CTTNBP2: variants seen among roughly 807,000 people sequenced by gnomAD.
CTTNBP2 encodes cortactin binding protein 2, also known as cortactin-binding protein 2.
Under a neutral mutation model 156.9 loss-of-function variants are expected in CTTNBP2, and 108 were observed. The ratio of observed to expected loss-of-function variants is 0.69; its 90% CI spans 0.59 to 0.81. CTTNBP2 has a LOEUF of 0.81. Ranked by LOEUF, CTTNBP2 falls within the 30% of genes least tolerant of loss-of-function variation. CTTNBP2 has a pLI of 0.00. For synonymous variants in CTTNBP2, 767 were observed against 751.8 expected, an observed-to-expected ratio of 1.02 and a Z score of -0.33; for missense variants, 1,924 against 2,035.4, an observed-to-expected ratio of 0.95 and a Z score of 1.05.
chr7:117,715,643 C>T (rs1365090570), intron 22 of CTTNBP2: 1 of 152,028 alleles, frequency 6.6e-6, no homozygotes, highest in Non-Finnish European at 1.5e-5. Flanking sequence ...TTCAGAAGGC[C>T]TGCTAAATGC....
rs747361472 is a variant in CTTNBP2, at chr7:117,757,960, C to T, written c.3183G>A (p.Pro1061=). The T allele has an allele frequency of 3.8e-5, 62 of 1,611,710 alleles. No individual in the cohort carries two copies. Among genetic ancestry groups the T allele is most frequent in the Non-Finnish European group, 5.1e-5 (60 of 1,179,074 alleles). The change falls in exon 11 of 23, where the codon CCG becomes CCA. Residue 1061 remains proline (P), a synonymous_variant. Coordinates refer to ENST00000160373, the MANE Select transcript of CTTNBP2 (RefSeq NM_033427.3). ...SIRSITLGNV[P]WSVGQSFAQS... ...GCGCGAAGCTCTGACCCACTGACCA[C>T]GGCACATTTCCTAGTTTCAAAAAAT...
chr7:117,866,802 G>C (rs1229253828), intron 1 of CTTNBP2, among the ~76,000 whole-genome samples: 9 of 152,156 alleles, frequency 5.9e-5, no homozygotes, highest in Admixed American at 5.9e-4. Context: ...GAGCCTAAAA[G>C]CGTTTGTGAG....
chr7:117,767,022 G>T, intron 9 of CTTNBP2, 37 bp downstream of exon 9: 1 of 1,135,978 alleles, frequency 8.8e-7, no homozygotes, highest in Non-Finnish European at 1.3e-6. Context: ...CAGCAGCATA[G>T]GGGAAAGATA....
At chr7:117,836,371 T>C (rs1801934947) in intron 2 of CTTNBP2, among the ~76,000 whole-genome samples, 1 of 152,176 alleles carries the variant, frequency 6.6e-6, no homozygotes, top group Admixed American at 6.5e-5. Flanking sequence ...CAGAGCATCC[T>C]GGCTAACACG....
Position 117,791,549 on chromosome 7 carries a change from C to T in CTTNBP2, c.1647G>A (p.Lys549=), listed in dbSNP as rs776476070. 2.5e-6 allele frequency: 4 copies of T among 1,614,038 alleles called. No homozygotes were observed. Among genetic ancestry groups the T allele is most frequent in the Non-Finnish European group, 3.4e-6 (4 of 1,179,976 alleles). The part of the protein sequence containing the change: ...RGNPPPIPPK[K]PGLSQTPSPP... The stretch of plus-strand genomic sequence containing the variant: ...GAGAAGGAGTTTGGGAGAGCCCTGG[C>T]TTTTTTGGAGGGATAGGAGGAGGAT... Residue 549 remains lysine, a synonymous_variant, in exon 4 of 23, where the codon AAG becomes AAA. Coordinates refer to ENST00000160373, the MANE Select transcript of CTTNBP2 (RefSeq NM_033427.3).
rs543731892 is a variant in CTTNBP2 at position 117,728,633 on chromosome 7, A to T, written c.3877-366T>A. Among the ~76,000 whole-genome samples, 3 of 152,236 alleles carry T rather than the reference A, an allele frequency of 2.0e-5. No individual in the cohort carries two copies. In the South Asian group the frequency reaches 6.2e-4, roughly 32 times the overall value. ...TTTTATTAAGGTATAATTGACAAAA[A>T]TTATATATATTTGTGGTATATATCA... On this transcript the variant is annotated intron_variant, in intron 16 of 22. Transcript: ENST00000160373.
In CTTNBP2 at chr7:117,792,705, C is replaced by A; in HGVS notation, c.491G>T (p.Arg164Leu). ...CAGGACCACCTGCTTGTTCTTGCCACGCTCTTCCTCAAGGCGGGCAGCCAG... is the reference window on the plus strand; with the variant it reads ...CAGGACCACCTGCTTGTTCTTGCCAAGCTCTTCCTCAAGGCGGGCAGCCAG... The part of the protein sequence containing the change: ...KKLAARLEEE[R>L]GKNKQVVLML... The change falls in exon 4 of 23, where the codon CGT becomes CTT. Residue 164 changes from arginine (R) to leucine (L), a missense_variant. Arg to Leu is a moderately radical substitution (Grantham distance 102, BLOSUM62 -2). Transcript: ENST00000160373. This position sits in a 1 kb window ranked among gnomAD's most constrained non-coding sequence, Gnocchi z 4.2. 1 of 1,611,758 alleles carries A rather than the reference C, an allele frequency of 6.2e-7. No homozygotes were observed. The highest frequency in any genetic ancestry group is 8.5e-7 in the Non-Finnish European group (1 of 1,178,676).
At position 117,757,932 on chromosome 7, in the gene CTTNBP2, A is replaced by G. The variant is rs768780191; in HGVS notation, c.3211T>C (p.Ser1071Pro). 2.2e-5 allele frequency: 36 copies of G among 1,613,504 alleles called. No individual in the cohort carries two copies. The Admixed American group carries it at 6.0e-4, about 27-fold the overall frequency. ...TTCTTCCTCATAAAGTCCCACGGGG[A>G]CTGCGCGAAGCTCTGACCCACTGAC... The part of the protein sequence containing the change: ...PWSVGQSFAQ[S>P]PWDFMRKNKA... The change falls in exon 11 of 23, where the codon TCC (serine) becomes CCC (proline). Residue 1071 changes from serine to proline, a missense_variant. Physicochemically the swap from Ser to Pro is moderately conservative, Grantham distance 74. Transcript: ENST00000160373.
rs374479321 is a variant in CTTNBP2, at chr7:117,746,323, AT to A, written c.3349-225del. ...GAGCTGATACTTTATAAAAAAACAC[AT>A]TTTTTCCCTCTATTTTCCATAGCGA... On this transcript the variant is annotated intron_variant, in intron 12 of 22. Coordinates refer to ENST00000160373, the MANE Select transcript of CTTNBP2 (RefSeq NM_033427.3). Among the ~76,000 whole-genome samples the A allele has an allele frequency of 1.2e-4, 19 of 152,182 alleles. No homozygotes were observed. In the East Asian group the frequency reaches 2.5e-3, roughly 20 times the overall value.
At chr7:117,830,829 T>C (rs1251420520) in intron 2 of CTTNBP2, among the ~76,000 whole-genome samples, 1 of 152,226 alleles carries the variant, frequency 6.6e-6, no homozygotes, top group African/African-American at 2.4e-5. Flanking sequence ...ATTGAGGAAG[T>C]AATGATTGTT....
chr7:117,734,002 C>G (rs1404509421), intron 16 of CTTNBP2, among the ~76,000 whole-genome samples: 2 of 152,222 alleles, frequency 1.3e-5, no homozygotes, highest in African/African-American at 4.8e-5. Flanking sequence ...GAAGCCGAAG[C>G]TCTCTATCCT....
intron 14 of CTTNBP2, among the ~76,000 whole-genome samples, chr7:117,736,879 G>A (rs1185452703): frequency 6.6e-6 from 1 of 152,096 alleles, no homozygotes; most frequent in Non-Finnish European, 1.5e-5. Context: ...AACCAGTTTA[G>A]GATACTTGAG....
chr7:117,817,354 A>T (rs373971405), intron 2 of CTTNBP2, among the ~76,000 whole-genome samples: 28,230 of 76,908 alleles, frequency 0.37, 7,371 homozygotes, highest in Non-Finnish European at 0.39. Context: ...AAAAAAAAAA[A>T]AAAAAAAATA....
chr7:117,758,875 T>C (rs916246653), intron 10 of CTTNBP2, among the ~76,000 whole-genome samples: 5 of 152,210 alleles, frequency 3.3e-5, no homozygotes, highest in Non-Finnish European at 5.9e-5. Flanking sequence ...TAGCATGCAC[T>C]GTTCACAGAG....
At chr7:117,725,000 G>T (rs1350696413) in intron 18 of CTTNBP2, 52 bp downstream of exon 18, 1 of 1,526,496 alleles carries the variant, frequency 6.6e-7, no homozygotes, top group South Asian at 1.1e-5. Context: ...GCTTTTAAAA[G>T]GTATTTCACA....
intron 14 of CTTNBP2, among the ~76,000 whole-genome samples, chr7:117,742,565 A>G (rs894255846): frequency 6.6e-6 from 1 of 152,156 alleles, no homozygotes; most frequent in African/African-American, 2.4e-5. Context: ...GGGAGAAGAA[A>G]CAAGAGACAG....
intron 1 of CTTNBP2, among the ~76,000 whole-genome samples, chr7:117,867,480 G>A (rs1177403138): frequency 6.6e-6 from 1 of 151,862 alleles, no homozygotes; most frequent in Non-Finnish European, 1.5e-5. Context: ...ACTCCTACTA[G>A]ATGTGTCAGG....
chr7:117,715,315 T>C (rs994033506), intron 22 of CTTNBP2, among the ~76,000 whole-genome samples: 7 of 152,100 alleles, frequency 4.6e-5, no homozygotes, highest in Admixed American at 1.3e-4. Context: ...TCTAAAGATA[T>C]ATTTGGAAAG....
chr7:117,865,332 T>G (rs1450485745), intron 1 of CTTNBP2, among the ~76,000 whole-genome samples: 5 of 151,858 alleles, frequency 3.3e-5, no homozygotes, highest in Non-Finnish European at 7.4e-5. Context: ...AATCCAGCTA[T>G]TTTTTAGTGA....
Sources: allele counts gnomAD v4.1 joint callset (sites outside exome capture counted in the v4.1 genomes callset), GRCh38; gene constraint gnomAD v4.1.1; non-coding constraint Gnocchi (gnomAD v3.1); transcripts MANE v1.5; gene names NCBI Gene and HGNC (gene_info 2026-07-23, HGNC 2026-07-21).